Variants in MSR1 observed in about 807,000 individuals in gnomAD.
MSR1 encodes the protein macrophage scavenger receptor 1, also known as macrophage scavenger receptor types I and II.
A neutral mutation model predicts 47.2 loss-of-function variants in MSR1; 53 were observed. The ratio of observed to expected loss-of-function variants is 1.12; its 90% CI spans 0.90 to 1.41. The LOEUF (loss-of-function observed/expected upper bound fraction) is 1.41. MSR1 is among the 40% of genes most tolerant of loss of function. MSR1 has a pLI of 0.00. For synonymous variants in MSR1, 239 were observed against 185.6 expected (o/e 1.29, Z -2.34); for missense variants, 786 against 546.9 (o/e 1.44, Z -4.36).
chr8:16,122,950 T>A (rs112997838), intron 8 of MSR1, among the ~76,000 whole-genome samples: 8,518 of 145,022 alleles, frequency 0.059, 346 homozygotes, highest in South Asian at 0.19. Context: ...GTTCAAGCCA[T>A]CCTCCTGCCT....
chr8:16,173,811 G>A (rs1158573778), intron 3 of MSR1, among the ~76,000 whole-genome samples: 1 of 152,024 alleles, frequency 6.6e-6, no homozygotes, highest in African/African-American at 2.4e-5. Flanking sequence ...ACCACTCCTG[G>A]CTAATTTTTT....
chr8:16,184,582 T>C (rs1294390873), intron 1 of MSR1, among the ~76,000 whole-genome samples: 2 of 152,210 alleles, frequency 1.3e-5, no homozygotes. Context: ...TCTGATCGCA[T>C]AAATTGATCT....
intron 8 of MSR1, among the ~76,000 whole-genome samples, chr8:16,135,123 G>A (rs1800359197): frequency 6.6e-6 from 1 of 152,118 alleles, no homozygotes; most frequent in South Asian, 2.1e-4. Context: ...AATTGATGAA[G>A]GTTACTACAC....
rs1263173458 is a variant in MSR1 at position 16,179,987 on chromosome 8, G to A, written c.-4-1995C>T. On this transcript the variant is annotated intron_variant, in intron 1 of 9. Coordinates refer to ENST00000262101, the MANE Select transcript of MSR1 (RefSeq NM_138715.3). ...GCTGGAGTGCAGTGGTGCAATCTCA[G>A]CTCACTGCTACCATGTTGTCCAGGC... Among the ~76,000 whole-genome samples, 4 of 151,108 alleles carry A rather than the reference G, an allele frequency of 2.6e-5. No individual in the cohort carries two copies. The East Asian group carries it at 7.8e-4, about 29-fold the overall frequency.
chr8:16,165,439 G>A (rs985812821), intron 4 of MSR1, among the ~76,000 whole-genome samples: 1 of 151,990 alleles, frequency 6.6e-6, no homozygotes, highest in South Asian at 2.1e-4. Context: ...TAGATCATTT[G>A]CTTGGTTTTC....
intron 1 of MSR1, among the ~76,000 whole-genome samples, chr8:16,185,187 TAATG>T (rs1352067098): frequency 2.0e-5 from 3 of 151,898 alleles, no homozygotes; most frequent in African/African-American, 7.2e-5. Flanking sequence ...TCATCAGAGA[TAATG>T]AAGCCATAGG....
chr8:16,139,695 T>C (rs1472686949), intron 8 of MSR1: 6 of 971,442 alleles, frequency 6.2e-6, no homozygotes, highest in African/African-American at 1.8e-5. Flanking sequence ...AGTTTTATTT[T>C]TGGTTTAAAT....
intron 5 of MSR1, among the ~76,000 whole-genome samples, chr8:16,155,753 C>T (rs897479959): frequency 1.3e-5 from 2 of 151,588 alleles, no homozygotes; most frequent in Non-Finnish European, 2.9e-5. Flanking sequence ...GAAGACAATT[C>T]CTAGGGATTG....
chr8:16,168,354 G>T, intron 4 of MSR1, 104 bp downstream of exon 4: 2 of 1,121,762 alleles, frequency 1.8e-6, no homozygotes, highest in Non-Finnish European at 2.7e-6. Flanking sequence ...TAAACAGGAT[G>T]ATGAAACAGG....
intron 8 of MSR1, chr8:16,140,236 C>A: frequency 2.0e-6 from 2 of 983,946 alleles, no homozygotes; most frequent in South Asian, 4.7e-5. Context: ...TAGGTGAATG[C>A]GTGTAGTCCA....
At chr8:16,120,308 C>T (rs1799968775) in intron 9 of MSR1, 110 bp downstream of exon 9, 1 of 1,128,538 alleles carries the variant, frequency 8.9e-7, no homozygotes, top group African/African-American at 1.5e-5. Context: ...ATCCGGGAGG[C>T]AGAGGTTGCA....
At chr8:16,180,434 G>A (rs1370948665) in intron 1 of MSR1, among the ~76,000 whole-genome samples, 1 of 152,156 alleles carries the variant, frequency 6.6e-6, no homozygotes, top group African/African-American at 2.4e-5. Context: ...AAATTCTCAA[G>A]AGGTGATGCA....
chr8:16,189,497 T>A (rs1175476653), intron 1 of MSR1, among the ~76,000 whole-genome samples: 4 of 100,288 alleles, frequency 4.0e-5, no homozygotes, highest in Non-Finnish European at 5.1e-5. Context: ...AAATCTTATT[T>A]TATATATATT....
intron 9 of MSR1, 152 bp downstream of exon 9, chr8:16,120,266 A>G: frequency 2.5e-6 from 2 of 787,332 alleles, no homozygotes; most frequent in East Asian, 2.7e-5. Context: ...AGTCCCAGCT[A>G]CTAGGCAGGC....
At chr8:16,172,034 G>A (rs930890583) in intron 3 of MSR1, among the ~76,000 whole-genome samples, 1 of 152,116 alleles carries the variant, frequency 6.6e-6, no homozygotes, top group Non-Finnish European at 1.5e-5. Flanking sequence ...TGTGATTCAG[G>A]TACCTATATG....
chr8:16,144,961 T>C (rs1256359259), intron 7 of MSR1, among the ~76,000 whole-genome samples: 1 of 149,484 alleles, frequency 6.7e-6, no homozygotes, highest in Non-Finnish European at 1.5e-5. Flanking sequence ...TGTGTCATTA[T>C]GTATTTCTTA....
intron 5 of MSR1, among the ~76,000 whole-genome samples, chr8:16,160,660 G>T (rs138831211): frequency 1.3e-5 from 2 of 151,998 alleles, no homozygotes; most frequent in Non-Finnish European, 2.9e-5. Flanking sequence ...GTGGAAAGTG[G>T]AGGAGGTAAC....
rs34519754 is a variant in MSR1, at chr8:16,164,971, T to A, written c.631-720A>T. ...AGGATATTTATCTATTAAAATACTT[T>A]AGAGACTGATATTTTCAGTAATTTA... On this transcript the variant is annotated intron_variant, in intron 4 of 9. Transcript: ENST00000262101. 3.4e-3 allele frequency among the ~76,000 whole-genome samples: 518 copies of A among 152,234 alleles called. 4 individuals carry two copies. The highest frequency in any genetic ancestry group is 0.011 in the African/African-American group (478 of 41,570).
intron 6 of MSR1, among the ~76,000 whole-genome samples, chr8:16,153,827 G>T (rs1001895484): frequency 1.3e-5 from 2 of 151,908 alleles, no homozygotes; most frequent in Admixed American, 6.6e-5. Context: ...TTTAATACTG[G>T]TTATTTCCTC....
Sources: allele counts gnomAD v4.1 joint callset (sites outside exome capture counted in the v4.1 genomes callset), GRCh38; gene constraint gnomAD v4.1.1; transcripts MANE v1.5; gene names NCBI Gene and HGNC (gene_info 2026-07-23, HGNC 2026-07-21).